The following FHOD1 variants were observed in gnomAD, a reference collection of about 807,000 sequenced individuals.
FHOD1 encodes the protein FH1/FH2 domain-containing protein 1.
A neutral mutation model predicts 111.6 loss-of-function variants in FHOD1; 89 were observed. The observed-to-expected ratio is 0.80, with a 90% CI of 0.67 to 0.95. FHOD1 has a LOEUF of 0.95. FHOD1 is among the 40% of genes least tolerant of loss of function. The pLI, the probability that FHOD1 is intolerant of heterozygous loss-of-function variation, is 0.00. For synonymous variants in FHOD1, 618 were observed against 639.0 expected (o/e 0.97, Z 0.50); for missense variants, 1,446 against 1,554.2 (o/e 0.93, Z 1.17).
chr16:67,236,664 G>A lies in FHOD1; in HGVS notation c.1212C>T (p.Ala404=), dbSNP rs1420513126. Residue 404 remains alanine, a synonymous_variant, in exon 11 of 22, where the codon GCC becomes GCT. Coordinates refer to ENST00000258201, the MANE Select transcript of FHOD1 (RefSeq NM_013241.3). ...CGGAGGGAGGGCCCACAGGGCTGGAGGCGGGGCCTGTCAGCAGGGCGGGGC... is the reference window on the plus strand; with the variant it reads ...CGGAGGGAGGGCCCACAGGGCTGGAAGCGGGGCCTGTCAGCAGGGCGGGGC... ...STGPALLTGP[A]SSPVGPPSGL... is the part of the protein sequence containing the mutation. The A allele has an allele frequency of 1.2e-6, 2 of 1,609,000 alleles. No individual in the cohort carries two copies. Among genetic ancestry groups the A allele is most frequent in the Non-Finnish European group, 1.7e-6 (2 of 1,177,786 alleles).
In FHOD1 at chr16:67,229,989, G is replaced by T; in HGVS notation, c.3216C>A (p.Gly1072=). The part of the protein sequence containing the change: ...EDTTHNRRSR[G]MVQSSSPIMP... ...TGATTGGGGAGCTGCTCTGGACCAT[G>T]CCTGAGGAAGGCCAGATAGCAAAGT... Residue 1072 remains glycine, a splice_region_variant and synonymous_variant, in exon 21 of 22, where the codon GGC becomes GGA. Coordinates refer to ENST00000258201, the MANE Select transcript of FHOD1 (RefSeq NM_013241.3). 1 of 1,613,808 alleles carries T rather than the reference G, an allele frequency of 6.2e-7. No homozygotes were observed. Among genetic ancestry groups the T allele is most frequent in the Non-Finnish European group, 8.5e-7 (1 of 1,179,692 alleles).
intron 17 of FHOD1, 114 bp from the exon 18 acceptor site, chr16:67,230,905 CAA>C: frequency 8.6e-7 from 1 of 1,156,254 alleles, no homozygotes; most frequent in Non-Finnish European, 1.2e-6. Flanking sequence ...CACAGACATC[CAA>C]ATCTCATAGA....
intron 1 of FHOD1, among the ~76,000 whole-genome samples, chr16:67,246,393 G>A (rs1000605423): frequency 1.3e-5 from 2 of 152,226 alleles, no homozygotes; most frequent in African/African-American, 4.8e-5. Flanking sequence ...TGCCTGCGGG[G>A]GGCTGACGGC....
rs1448964017 is a variant in FHOD1 at position 67,230,061 on chromosome 16, C to T, written c.3214+5G>A. The T allele has an allele frequency of 6.2e-7, 1 of 1,613,694 alleles. No homozygotes were observed. Among genetic ancestry groups the T allele is most frequent in the Non-Finnish European group, 8.5e-7 (1 of 1,179,816 alleles). ...CCCATTCCCCACAGCTGCTATGGGC[C>T]TCACCTCTGCTGCGGCGATTGTGTG... On this transcript the variant is annotated splice_donor_5th_base_variant and intron_variant, in intron 20 of 21. Coordinates refer to ENST00000258201, the MANE Select transcript of FHOD1 (RefSeq NM_013241.3).
chr16:67,237,429 C>T lies in FHOD1; in HGVS notation c.849+46G>A. 1 of 1,613,852 alleles carries T rather than the reference C, an allele frequency of 6.2e-7. No individual in the cohort carries two copies. The highest frequency in any genetic ancestry group is 8.5e-7 in the Non-Finnish European group (1 of 1,179,742). On this transcript the variant is annotated intron_variant, in intron 8 of 21. Transcript: ENST00000258201. The surrounding 1 kb of genome is among the most constrained non-coding windows in gnomAD (Gnocchi z 5.6). The stretch of plus-strand genomic sequence containing the variant: ...GCAAGGCTGAGGTTGGTGGGGAGGT[C>T]AGGAGCCTGAGCATCCCAGAGCTGG...
intron 13 of FHOD1, among the ~76,000 whole-genome samples, chr16:67,233,398 G>C (rs1216212500): frequency 2.0e-5 from 3 of 151,956 alleles, no homozygotes; most frequent in African/African-American, 7.2e-5. Context: ...ACTTTTAGTA[G>C]AGATAATGTC....
Position 67,237,852 on chromosome 16 carries a change from G to C in FHOD1, c.643-84C>G, listed in dbSNP as rs1567392331. 1 of 1,415,696 alleles carries C rather than the reference G, an allele frequency of 7.1e-7. No homozygotes were observed. Among genetic ancestry groups the C allele is most frequent in the Admixed American group, 1.7e-5 (1 of 58,818 alleles). The allele number at this position is 1,415,696 out of a possible 1,614,324, so 87.7% of individuals were successfully genotyped here. A position where few individuals can be genotyped will look rare whatever the true frequency, so the allele number is the denominator to read the frequency against. On this transcript the variant is annotated intron_variant, in intron 6 of 21. Coordinates refer to ENST00000258201, the MANE Select transcript of FHOD1 (RefSeq NM_013241.3). The surrounding 1 kb of genome is among the most constrained non-coding windows in gnomAD (Gnocchi z 5.6). ...GCTGGGGAAGGGGAAGGGCTGCTGGGGCTGGACCCAGAGAGAATCTAGGCA... is the reference window on the plus strand; with the variant it reads ...GCTGGGGAAGGGGAAGGGCTGCTGGCGCTGGACCCAGAGAGAATCTAGGCA...
At chr16:67,243,410 C>G (rs1224171915) in intron 1 of FHOD1, among the ~76,000 whole-genome samples, 1 of 151,560 alleles carries the variant, frequency 6.6e-6, no homozygotes, top group Non-Finnish European at 1.5e-5. Context: ...AATAGGGTCT[C>G]GCTATATCAC....
rs746859450 is a variant in FHOD1 at position 67,229,801 on chromosome 16, C to A, written c.3404G>T (p.Arg1135Leu). 2.5e-6 allele frequency: 4 copies of A among 1,614,066 alleles called. No individual in the cohort carries two copies. In the East Asian group the frequency reaches 6.7e-5, roughly 27 times the overall value. ...ARERKRSRGN[R>L]KSLRRTLKSG... Reference sequence around the variant, plus strand: ...TGTGGGGGGTTACTTACAAGACTTGCGGTTGCCGCGGGAACGCTTGCGTTC... The same window carrying A: ...TGTGGGGGGTTACTTACAAGACTTGAGGTTGCCGCGGGAACGCTTGCGTTC... The change falls in exon 21 of 22, where the codon CGC (arginine) becomes CTC (leucine). Residue 1135 changes from arginine (R) to leucine (L), a missense_variant. Coordinates refer to ENST00000258201, the MANE Select transcript of FHOD1 (RefSeq NM_013241.3).
rs2034170891 is a variant in FHOD1 at position 67,229,704 on chromosome 16, T to G, written c.3427A>C (p.Lys1143Gln). 1.9e-6 allele frequency: 3 copies of G among 1,609,906 alleles called. No individual in the cohort carries two copies. Among genetic ancestry groups the G allele is most frequent in the Admixed American group, 3.4e-5 (2 of 59,434 alleles). ...ACCAGGTCATCTCCGAGCCCACTCT[T>G]CAACGTCCTTCTCACTGCAGGGACA... ...GNRKSLRRTL[K>Q]SGLGDDLVQA... Residue 1143 changes from lysine to glutamine, a missense_variant, in exon 22 of 22, where the codon AAG (lysine) becomes CAG (glutamine). Transcript: ENST00000258201.
At position 67,229,569 on chromosome 16, in the gene FHOD1, C is replaced by T. The variant is rs538035714; in HGVS notation, c.*67G>A. ...CTGGGGCCAGAATTCTGCTCTGGGC[C>T]CTCCTCACTCTGTCATCTCCTGCAC... is the stretch of plus-strand genomic sequence containing the variant. On this transcript the variant is annotated 3_prime_UTR_variant, in exon 22 of 22. Coordinates refer to ENST00000258201, the MANE Select transcript of FHOD1 (RefSeq NM_013241.3). The T allele has an allele frequency of 1.3e-3, 1,797 of 1,428,076 alleles. 8 individuals carry two copies. The highest frequency in any genetic ancestry group is 1.6e-3 in the Non-Finnish European group (1,637 of 1,010,746). 88.5% of individuals were successfully genotyped at this position (1,428,076 alleles called of 1,614,324 possible).
chr16:67,230,533 AGTAAGTCCTGCTTATTGTCT>A (rs2034219307), intron 18 of FHOD1, 27 bp from the exon 19 acceptor site: 1 of 1,613,648 alleles, frequency 6.2e-7, no homozygotes, highest in Non-Finnish European at 8.5e-7. Flanking sequence ...AGGGAGGGAC[AGTAAGTCCTGCTTATTGTCT>A]GAGGGAGGGT....
chr16:67,239,086 G>A lies in FHOD1; in HGVS notation c.309-119C>T, dbSNP rs2034595461. On this transcript the variant is annotated intron_variant, in intron 2 of 21. Coordinates refer to ENST00000258201, the MANE Select transcript of FHOD1 (RefSeq NM_013241.3). ...CCAGCCCAGCTTGTTCCTCCCAGCT[G>A]CTCCTCCAAGAACCCAAGGGTTGGT... The A allele has an allele frequency of 7.1e-6, 7 of 983,200 alleles. No individual in the cohort carries two copies. In the South Asian group the frequency reaches 8.2e-5, roughly 12 times the overall value. 60.9% of individuals were successfully genotyped at this position (983,200 alleles called of 1,614,324 possible).
chr16:67,238,462 G>C lies in FHOD1; in HGVS notation c.374-15C>G. 1.2e-6 allele frequency: 2 copies of C among 1,611,278 alleles called. No homozygotes were observed. Among genetic ancestry groups the C allele is most frequent in the Non-Finnish European group, 1.7e-6 (2 of 1,178,454 alleles). ...ATACAGCTTTTCTGCAAAAGGTAGG[G>C]TATAAAACCCTTGATGGACACAGAC... On this transcript the variant is annotated splice_polypyrimidine_tract_variant and intron_variant, in intron 3 of 21. Coordinates refer to ENST00000258201, the MANE Select transcript of FHOD1 (RefSeq NM_013241.3). The surrounding 1 kb of genome is among the most constrained non-coding windows in gnomAD (Gnocchi z 4.2).
rs538748665 is a variant in FHOD1 at position 67,240,080 on chromosome 16, G to A, written c.202-626C>T. Among the ~76,000 whole-genome samples the A allele has an allele frequency of 1.6e-4, 25 of 152,322 alleles. No homozygotes were observed. In the South Asian group the frequency reaches 2.5e-3, roughly 15 times the overall value. On this transcript the variant is annotated intron_variant, in intron 1 of 21. Transcript: ENST00000258201. ...CACCCGGGAGAGTGTGTCTGTGTGT[G>A]TGTGTGTCTCAGTGAGTAAGAGGGT...
intron 10 of FHOD1, 59 bp from the exon 11 acceptor site, chr16:67,236,792 G>T: frequency 7.5e-7 from 1 of 1,325,250 alleles, no homozygotes; most frequent in Non-Finnish European, 1.0e-6. Flanking sequence ...GGGCCTGTCA[G>T]TGGGGTGGGG....
chr16:67,235,453 C>T (rs1006216657), intron 11 of FHOD1, among the ~76,000 whole-genome samples: 1 of 150,718 alleles, frequency 6.6e-6, no homozygotes, highest in Non-Finnish European at 1.5e-5. Context: ...TTGCTTGAAC[C>T]TGGGAGGCAG....
Position 67,231,071 on chromosome 16 carries a change from T to A in FHOD1, c.2667+117A>T. 7.6e-7 allele frequency: 1 copy of A among 1,321,882 alleles called. No homozygotes were observed. The highest frequency in any genetic ancestry group is 1.0e-6 in the Non-Finnish European group (1 of 956,444). 81.9% of individuals were successfully genotyped at this position (1,321,882 alleles called of 1,614,324 possible). Reference sequence around the variant, plus strand: ...GCAGAGGGCATAGCTCACACCCAGGTGGCTGGAGCAAGCCCTGGCACAGCA... The same window carrying A: ...GCAGAGGGCATAGCTCACACCCAGGAGGCTGGAGCAAGCCCTGGCACAGCA... On this transcript the variant is annotated intron_variant, in intron 17 of 21. Transcript: ENST00000258201. This position sits in a 1 kb window ranked among gnomAD's most constrained non-coding sequence, Gnocchi z 4.3.
Position 67,238,175 on chromosome 16 carries a change from AG to A in FHOD1, c.547+26del. ...GAGTCAGCGAGGGTCGCTGGAGCAGAGGTCATGGGAGAGGGGCGGGGCTGAC... is the reference window on the plus strand; with the variant it reads ...GAGTCAGCGAGGGTCGCTGGAGCAGAGTCATGGGAGAGGGGCGGGGCTGAC... On this transcript the variant is annotated intron_variant, in intron 5 of 21. Transcript: ENST00000258201. The surrounding 1 kb of genome is among the most constrained non-coding windows in gnomAD (Gnocchi z 4.2). 6.2e-7 allele frequency: 1 copy of A among 1,614,082 alleles called. No homozygotes were observed. The highest frequency in any genetic ancestry group is 1.1e-5 in the South Asian group (1 of 91,074).
Sources: allele counts gnomAD v4.1 joint callset (sites outside exome capture counted in the v4.1 genomes callset), GRCh38; gene constraint gnomAD v4.1.1; non-coding constraint Gnocchi (gnomAD v3.1); transcripts MANE v1.5; gene names NCBI Gene and HGNC (gene_info 2026-07-23, HGNC 2026-07-21).